Variants in ASH1L observed in about 807,000 individuals in gnomAD.
ASH1L encodes histone-lysine N-methyltransferase ASH1L.
Under a neutral mutation model 269.0 loss-of-function variants are expected in ASH1L, and 23 were observed. That is an observed-to-expected ratio of 0.09 (90% CI 0.06 to 0.12). ASH1L has a LOEUF of 0.12. ASH1L is among the 10% of genes least tolerant of loss of function. The pLI, the probability that ASH1L is intolerant of heterozygous loss-of-function variation, is 1.00. For synonymous variants in ASH1L, 1,187 were observed against 1,253.5 expected (o/e 0.95, Z 1.12); for missense variants, 2,912 against 3,567.8 (o/e 0.82, Z 4.68).
intron 3 of ASH1L, among the ~76,000 whole-genome samples, chr1:155,464,673 T>C (rs1486648405): frequency 2.6e-5 from 4 of 152,052 alleles, no homozygotes; most frequent in African/African-American, 2.4e-5. Flanking sequence ...TACCATAAAT[T>C]GGAATAATAC....
At chr1:155,523,709 A>G (rs1558190628) in intron 1 of ASH1L, among the ~76,000 whole-genome samples, 1 of 152,132 alleles carries the variant, frequency 6.6e-6, no homozygotes, top group African/African-American at 2.4e-5. Flanking sequence ...CGTCTCTACT[A>G]AAAGTACAAA....
chr1:155,416,161 TTC>T (rs1660192103), intron 5 of ASH1L, among the ~76,000 whole-genome samples: 2 of 152,044 alleles, frequency 1.3e-5, no homozygotes, highest in Admixed American at 6.6e-5. Context: ...GTCGGAATCT[TTC>T]TCTGTCACCC....
At chr1:155,553,202 C>T (rs1285805972) in intron 1 of ASH1L, among the ~76,000 whole-genome samples, 3 of 152,106 alleles carry the variant, frequency 2.0e-5, no homozygotes, top group African/African-American at 4.8e-5. Flanking sequence ...ATTATTAAGA[C>T]AACTAATTAT....
intron 2 of ASH1L, among the ~76,000 whole-genome samples, chr1:155,516,586 A>C (rs529726566): frequency 1.5e-4 from 23 of 152,220 alleles, no homozygotes; most frequent in African/African-American, 5.5e-4. Flanking sequence ...TGAGGTCAGA[A>C]GTTCAAGACC....
At chr1:155,538,342 GTTT>G (rs963237272) in intron 1 of ASH1L, among the ~76,000 whole-genome samples, 2 of 142,224 alleles carry the variant, frequency 1.4e-5, no homozygotes, top group Non-Finnish European at 3.1e-5. Context: ...GGCACCTGGC[GTTT>G]TTTTGTTTGT....
rs1382152326 is a variant in ASH1L, at chr1:155,479,438, A to G, written c.3432T>C (p.Ser1144=). 6.2e-7 allele frequency: 1 copy of G among 1,614,058 alleles called. No individual in the cohort carries two copies. Among genetic ancestry groups the G allele is most frequent in the Non-Finnish European group, 8.5e-7 (1 of 1,180,032 alleles). ...PYLHLHSRQG[S]MIQTLAMKKA... ...TCTTCATTGCAAGAGTCTGAATCATACTGCCCTGTCTGGAGTGTAAATGCA... is the reference window on the plus strand; with the variant it reads ...TCTTCATTGCAAGAGTCTGAATCATGCTGCCCTGTCTGGAGTGTAAATGCA... Residue 1144 remains serine (S), a synonymous_variant, in exon 3 of 28, where the codon AGT becomes AGC. Transcript: ENST00000392403.
intron 12 of ASH1L, among the ~76,000 whole-genome samples, chr1:155,361,621 C>T (rs550189929): frequency 2.0e-5 from 3 of 151,652 alleles, no homozygotes; most frequent in South Asian, 2.1e-4. Context: ...ATCGCTTGAA[C>T]CCGGGAGGCG....
At chr1:155,383,318 C>T (rs1411153688) in intron 7 of ASH1L, among the ~76,000 whole-genome samples, 2 of 152,204 alleles carry the variant, frequency 1.3e-5, no homozygotes, top group African/African-American at 4.8e-5. Context: ...TAGGCCTTCA[C>T]ATTCACTCTC....
chr1:155,556,771 A>G (rs987270091), intron 1 of ASH1L, among the ~76,000 whole-genome samples: 4 of 152,082 alleles, frequency 2.6e-5, no homozygotes, highest in Non-Finnish European at 5.9e-5. Context: ...AAAATTGCCC[A>G]GGTGTGGTAG....
chr1:155,523,303 T>G (rs1669013082), intron 1 of ASH1L, among the ~76,000 whole-genome samples: 1 of 152,076 alleles, frequency 6.6e-6, no homozygotes, highest in African/African-American at 2.4e-5. Flanking sequence ...GAGACCAGAC[T>G]GGGCAACATG....
chr1:155,472,644 C>T (rs182798941), intron 3 of ASH1L, among the ~76,000 whole-genome samples: 3 of 152,164 alleles, frequency 2.0e-5, no homozygotes, highest in African/African-American at 4.8e-5. Flanking sequence ...AGGACTGTGG[C>T]GAACAAAAGA....
chr1:155,340,043 T>C (rs961607807), intron 25 of ASH1L, among the ~76,000 whole-genome samples: 6 of 151,986 alleles, frequency 3.9e-5, no homozygotes, highest in Non-Finnish European at 8.8e-5. Flanking sequence ...CAGTAAGCTA[T>C]TGATTGAGCA....
chr1:155,551,117 A>G (rs1419157737), intron 1 of ASH1L, among the ~76,000 whole-genome samples: 1 of 152,004 alleles, frequency 6.6e-6, no homozygotes, highest in East Asian at 1.9e-4. Flanking sequence ...CACCATGCCC[A>G]GCCTTTATTT....
chr1:155,562,799 GCCTCCT>G (rs748963366), exon 1 of ASH1L: 2 of 608,792 alleles, frequency 3.3e-6, no homozygotes, highest in Non-Finnish European at 5.9e-6. Context: ...GCAAGCCCAA[GCCTCCT>G]CCTCCTCCTC....
chr1:155,556,114 T>C (rs1302325383), intron 1 of ASH1L, among the ~76,000 whole-genome samples: 5 of 152,290 alleles, frequency 3.3e-5, no homozygotes, highest in South Asian at 2.1e-4. Context: ...TGACTGGGCA[T>C]TGTGGCTCAC....
intron 13 of ASH1L, chr1:155,358,943 C>T (rs544299272): frequency 6.6e-6 from 1 of 152,094 alleles, no homozygotes; most frequent in South Asian, 2.1e-4. Flanking sequence ...GAGGGAGACC[C>T]CATCTCTACA....
intron 12 of ASH1L, among the ~76,000 whole-genome samples, chr1:155,365,579 T>C (rs1225654315): frequency 6.6e-6 from 1 of 152,098 alleles, no homozygotes; most frequent in East Asian, 1.9e-4. Flanking sequence ...TAAAGGATGT[T>C]TGTTTCCCTC....
At chr1:155,376,589 G>C (rs1178370280) in intron 10 of ASH1L, among the ~76,000 whole-genome samples, 2 of 152,128 alleles carry the variant, frequency 1.3e-5, no homozygotes, top group African/African-American at 2.4e-5. Context: ...TGAGGTAGGA[G>C]AATCACTTGA....
At chr1:155,363,915 G>C (rs1655181743) in intron 12 of ASH1L, among the ~76,000 whole-genome samples, 1 of 151,962 alleles carries the variant, frequency 6.6e-6, no homozygotes, top group Non-Finnish European at 1.5e-5. Context: ...GGAAGTTGTG[G>C]TGAGCCAAAA....
Sources: allele counts gnomAD v4.1 joint callset (sites outside exome capture counted in the v4.1 genomes callset), GRCh38; gene constraint gnomAD v4.1.1; transcripts MANE v1.5; gene names NCBI Gene and HGNC (gene_info 2026-07-23, HGNC 2026-07-21).